Variants in RFTN2 observed in about 807,000 individuals in gnomAD.
RFTN2 encodes the protein raftlin-2.
Under a neutral mutation model 52.7 loss-of-function variants are expected in RFTN2, and 34 were observed. The ratio of observed to expected loss-of-function variants is 0.64; its 90% CI spans 0.49 to 0.86. RFTN2 has a LOEUF of 0.86. RFTN2 is among the 40% of genes least tolerant of loss of function. The pLI is 0.00. For missense variants in RFTN2, 536 were observed against 600.1 expected (o/e 0.89, Z 1.12); for synonymous variants, 203 against 217.7 (o/e 0.93, Z 0.59).
Position 197,634,257 on chromosome 2 carries a change from G to C in RFTN2, c.439-260C>G, listed in dbSNP as rs188187674. Among the ~76,000 whole-genome samples the C allele has an allele frequency of 4.9e-3, 747 of 152,062 alleles. 2 individuals carry two copies. Among genetic ancestry groups the C allele is most frequent in the Non-Finnish European group, 8.1e-3 (550 of 67,964 alleles). On this transcript the variant is annotated intron_variant, in intron 3 of 8. Coordinates refer to ENST00000295049, the MANE Select transcript of RFTN2 (RefSeq NM_144629.3). ...AAACAGGAATTATTTTTCCCTGAAGGGCCACTGTTTGGGAAGAACTAATAA... is the reference window on the plus strand; with the variant it reads ...AAACAGGAATTATTTTTCCCTGAAGCGCCACTGTTTGGGAAGAACTAATAA...
At chr2:197,585,070 G>A (rs187623026) in intron 8 of RFTN2, among the ~76,000 whole-genome samples, 37 of 152,252 alleles carry the variant, frequency 2.4e-4, no homozygotes, top group African/African-American at 6.0e-4. Context: ...GGCTGTGTCC[G>A]TTGGACAGCC....
chr2:197,591,857 C>T (rs377462783), intron 8 of RFTN2, among the ~76,000 whole-genome samples: 7 of 152,300 alleles, frequency 4.6e-5, no homozygotes, highest in African/African-American at 1.4e-4. Context: ...ACCGAGCCCA[C>T]GCCCATCTGG....
chr2:197,624,125 C>G, intron 5 of RFTN2, among the ~76,000 whole-genome samples: 1 of 152,034 alleles, frequency 6.6e-6, no homozygotes, highest in East Asian at 1.9e-4. Flanking sequence ...AAAATGGAAT[C>G]TACTCCTGGT....
At chr2:197,640,705 C>A (rs1342757249) in intron 3 of RFTN2, among the ~76,000 whole-genome samples, 1 of 151,576 alleles carries the variant, frequency 6.6e-6, no homozygotes, top group Non-Finnish European at 1.5e-5. Context: ...CTGCGTCGCT[C>A]ACGCCGGGAG....
rs541246239 is a variant in RFTN2 at position 197,579,288 on chromosome 2, C to A, written c.1234-7008G>T. Reference sequence around the variant, plus strand: ...TTGCCTGGGGGGCAATTGCCCCCGACCCCTTCTCTCCATGTCTCTACCCTC... The same window carrying A: ...TTGCCTGGGGGGCAATTGCCCCCGAACCCTTCTCTCCATGTCTCTACCCTC... On this transcript the variant is annotated intron_variant, in intron 8 of 8. Transcript: ENST00000295049. 1.4e-4 allele frequency among the ~76,000 whole-genome samples: 22 copies of A among 152,260 alleles called. No homozygotes were observed. The South Asian group carries it at 4.4e-3, about 30-fold the overall frequency.
intron 5 of RFTN2, among the ~76,000 whole-genome samples, chr2:197,619,073 C>T (rs1321059807): frequency 2.7e-5 from 4 of 150,258 alleles, no homozygotes; most frequent in Admixed American, 1.3e-4. Flanking sequence ...TCTGCCCGGC[C>T]GCCCCTACTG....
intron 8 of RFTN2, among the ~76,000 whole-genome samples, chr2:197,584,039 G>A (rs1408986138): frequency 3.3e-5 from 5 of 152,046 alleles, no homozygotes; most frequent in African/African-American, 7.2e-5. Flanking sequence ...ATGGACATTC[G>A]GGTTGGTTCC....
At chr2:197,599,719 CAT>C (rs1325682691) in intron 7 of RFTN2, among the ~76,000 whole-genome samples, 16 of 152,286 alleles carry the variant, frequency 1.1e-4, no homozygotes, top group Middle Eastern at 3.4e-3. Flanking sequence ...AGAGGTGAAA[CAT>C]GTGGCACAGG....
At chr2:197,626,562 C>CAAAA (rs2088362547) in intron 5 of RFTN2, among the ~76,000 whole-genome samples, 1 of 124,038 alleles carries the variant, frequency 8.1e-6, no homozygotes, top group African/African-American at 3.2e-5. Context: ...ACCCCATCTA[C>CAAAA]AAATAAATAA....
At chr2:197,647,977 A>G (rs1470046689) in intron 1 of RFTN2, among the ~76,000 whole-genome samples, 5 of 152,268 alleles carry the variant, frequency 3.3e-5, no homozygotes, top group Admixed American at 2.0e-4. Flanking sequence ...ATGAAAAACA[A>G]TCAAGAAGTA....
chr2:197,616,388 C>G (rs2088146112), intron 6 of RFTN2, among the ~76,000 whole-genome samples: 1 of 151,644 alleles, frequency 6.6e-6, no homozygotes. Flanking sequence ...ATCTCCTGGG[C>G]TCAAACTATT....
At chr2:197,576,825 C>T (rs969567972) in intron 8 of RFTN2, among the ~76,000 whole-genome samples, 1 of 151,994 alleles carries the variant, frequency 6.6e-6, no homozygotes, top group Non-Finnish European at 1.5e-5. Context: ...TTTTCTTGGC[C>T]AAGTTACCGG....
chr2:197,591,528 G>A lies in RFTN2; in HGVS notation c.1233+4463C>T, dbSNP rs558552355. 3.9e-5 allele frequency among the ~76,000 whole-genome samples: 6 copies of A among 152,362 alleles called. No homozygotes were observed. The East Asian group carries it at 7.7e-4, about 20-fold the overall frequency. On this transcript the variant is annotated intron_variant, in intron 8 of 8. Transcript: ENST00000295049. The stretch of plus-strand genomic sequence containing the variant: ...CTGCACTGGGGCGGCAGGTGGAGCT[G>A]TCTGCCAGTCCCGCGCAGTGTGCCC...
intron 5 of RFTN2, 105 bp from the exon 6 acceptor site, chr2:197,618,026 T>C: frequency 1.1e-6 from 1 of 921,038 alleles, no homozygotes; most frequent in Non-Finnish European, 1.5e-6. Context: ...GGAAAAACAT[T>C]TCAATTAAAA....
At chr2:197,621,401 G>GTTTT (rs55724429) in intron 5 of RFTN2, among the ~76,000 whole-genome samples, 35 of 122,568 alleles carry the variant, frequency 2.9e-4, no homozygotes, top group African/African-American at 5.6e-4. Flanking sequence ...GCAGATACCG[G>GTTTT]TTTTTTTTTT....
At position 197,631,128 on chromosome 2, in the gene RFTN2, T is replaced by C. The variant is rs1274289008; in HGVS notation, c.811A>G (p.Thr271Ala). The C allele has an allele frequency of 2.5e-6, 4 of 1,613,560 alleles. No individual in the cohort carries two copies. Among genetic ancestry groups the C allele is most frequent in the Admixed American group, 1.7e-5 (1 of 59,988 alleles). The change falls in exon 5 of 9, where the codon ACA becomes GCA. Residue 271 changes from threonine (T) to alanine (A), a missense_variant. Coordinates refer to ENST00000295049, the MANE Select transcript of RFTN2 (RefSeq NM_144629.3). ...GTACTAATGACTGATCCTTTTCTTG[T>C]TACTTTCATTGACAGGATGCCTTCC... ...YQEGILSMKVTRKGSVISTLD... is the reference protein window; with the variant it reads ...YQEGILSMKVARKGSVISTLD...
At chr2:197,577,792 C>CAATTGCTTG (rs2087443115) in intron 8 of RFTN2, among the ~76,000 whole-genome samples, 1 of 152,226 alleles carries the variant, frequency 6.6e-6, no homozygotes, top group Non-Finnish European at 1.5e-5. Context: ...TTACTATTTA[C>CAATTGCTTG]AATTGCTTGA....
chr2:197,670,363 C>T (rs767468390), intron 1 of RFTN2, among the ~76,000 whole-genome samples: 1 of 152,138 alleles, frequency 6.6e-6, no homozygotes, highest in Admixed American at 6.5e-5. Flanking sequence ...CTTGTAGTGC[C>T]TCATGATGCA....
At chr2:197,577,784 A>G (rs1351134402) in intron 8 of RFTN2, among the ~76,000 whole-genome samples, 1 of 152,104 alleles carries the variant, frequency 6.6e-6, no homozygotes, top group Non-Finnish European at 1.5e-5. Context: ...CAGAGTCATT[A>G]CTATTTACAA....
Sources: allele counts gnomAD v4.1 joint callset (sites outside exome capture counted in the v4.1 genomes callset), GRCh38; gene constraint gnomAD v4.1.1; transcripts MANE v1.5; gene names NCBI Gene and HGNC (gene_info 2026-07-23, HGNC 2026-07-21).